The following MNX1 variants were observed in gnomAD, a reference collection of about 807,000 sequenced individuals.
The protein encoded by MNX1 is motor neuron and pancreas homeobox 1.
In MNX1, 2 loss-of-function variants were observed where a neutral mutation model predicts 17.3. The observed-to-expected ratio is 0.12, with a 90% CI of 0.05 to 0.36. The LOEUF is 0.36. Ranked by LOEUF, MNX1 falls within the 10% of genes least tolerant of loss-of-function variation. The pLI is 1.00. For missense variants in MNX1, 556 were observed against 564.7 expected, an observed-to-expected ratio of 0.98 and a Z score of 0.16; for synonymous variants, 306 against 283.1, an observed-to-expected ratio of 1.08 and a Z score of -0.81.
In MNX1 at chr7:157,006,469, G is replaced by A. The variant is rs921342735; in HGVS notation, c.852+10C>T. ...GGCCGGGATGCGTCGGGGGCGGGGA[G>A]GGCGCGCACCTGGGTCTCGGTGAGC... On this transcript the variant is annotated intron_variant, in intron 2 of 2. Transcript: ENST00000252971. The surrounding 1 kb of genome is among the most constrained non-coding windows in gnomAD (Gnocchi z 6.3). 2 of 1,608,082 alleles carry A rather than the reference G, an allele frequency of 1.2e-6. No individual in the cohort carries two copies. The highest frequency in any genetic ancestry group is 1.7e-6 in the Non-Finnish European group (2 of 1,178,510).
At position 157,006,703 on chromosome 7, in the gene MNX1, G is replaced by T; in HGVS notation, c.692-64C>A. ...GGTCCTCGCCCCAGCCCCTCCCGTT[G>T]CTGCTTGTACCACTACACTCAAGGC... On this transcript the variant is annotated intron_variant, in intron 1 of 2. Transcript: ENST00000252971. This position sits in a 1 kb window ranked among gnomAD's most constrained non-coding sequence, Gnocchi z 6.3. The T allele has an allele frequency of 6.7e-7, 1 of 1,498,700 alleles. No individual in the cohort carries two copies. Among genetic ancestry groups the T allele is most frequent in the South Asian group, 1.3e-5 (1 of 79,930 alleles). The allele number at this position is 1,498,700 out of a possible 1,614,324, so 92.8% of individuals were successfully genotyped here.
At position 157,009,680 on chromosome 7, in the gene MNX1, G is replaced by A; in HGVS notation, c.671C>T (p.Pro224Leu). The A allele has an allele frequency of 6.2e-7, 1 of 1,609,228 alleles. No individual in the cohort carries two copies. The highest frequency in any genetic ancestry group is 8.5e-7 in the Non-Finnish European group (1 of 1,179,174). ...CTCACAGTTGAAGTCGGGCATCTTAGGCAGGATCATGCCCGCGGTGGACGC... is the reference window on the plus strand; with the variant it reads ...CTCACAGTTGAAGTCGGGCATCTTAAGCAGGATCATGCCCGCGGTGGACGC... ...LRASTAGMIL[P>L]KMPDFNSQAQ... The change falls in exon 1 of 3, where the codon CCT becomes CTT. Residue 224 changes from proline to leucine, a missense_variant. Physicochemically the swap from Pro to Leu is moderately conservative, Grantham distance 98. Transcript: ENST00000252971.
At position 157,010,117 on chromosome 7, in the gene MNX1, C is replaced by A; in HGVS notation, c.234G>T (p.Pro78=). Residue 78 remains proline (P), a synonymous_variant, in exon 1 of 3, where the codon CCG becomes CCT. Coordinates refer to ENST00000252971, the MANE Select transcript of MNX1 (RefSeq NM_005515.4). The part of the protein sequence containing the change: ...APADRLRAES[P]SPPRLLAAHC... ...GCGCGGCCAGCAGGCGCGGCGGCGACGGGCTCTCGGCGCGCAGGCGGTCGG... is the reference window on the plus strand; with the variant it reads ...GCGCGGCCAGCAGGCGCGGCGGCGAAGGGCTCTCGGCGCGCAGGCGGTCGG... 1 of 996,774 alleles carries A rather than the reference C, an allele frequency of 1.0e-6. No individual in the cohort carries two copies. Among genetic ancestry groups the A allele is most frequent in the Non-Finnish European group, 1.2e-6 (1 of 839,304 alleles). 61.7% of individuals were successfully genotyped at this position (996,774 alleles called of 1,614,324 possible). A position where few individuals can be genotyped will look rare whatever the true frequency, so the allele number is the denominator to read the frequency against.
At position 157,010,386 on chromosome 7, in the gene MNX1, C is replaced by T. The variant is rs1187702527; in HGVS notation, c.-36G>A. On this transcript the variant is annotated 5_prime_UTR_variant, in exon 1 of 3. Transcript: ENST00000252971. ...GGGGCTGGCGCTCAGGGCCCGGTGG[C>T]GGGCGACGCGGCCGTGTGCGGGCTC... is the stretch of plus-strand genomic sequence containing the variant. The T allele has an allele frequency of 2.0e-6, 3 of 1,536,752 alleles. No homozygotes were observed. The highest frequency in any genetic ancestry group is 1.8e-6 in the Non-Finnish European group (2 of 1,134,522).
rs886478874 is a variant in MNX1, at chr7:157,010,637, C to T, written c.-287G>A. The T allele has an allele frequency of 2.5e-5, 6 of 241,018 alleles. No homozygotes were observed. The highest frequency in any genetic ancestry group is 4.0e-5 in the Non-Finnish European group (5 of 123,694). The allele number at this position is 241,018 out of a possible 1,614,324, so 14.9% of individuals were successfully genotyped here. A position where few individuals can be genotyped will look rare whatever the true frequency, so the allele number is the denominator to read the frequency against. On this transcript the variant is annotated 5_prime_UTR_variant, in exon 1 of 3. Coordinates refer to ENST00000252971, the MANE Select transcript of MNX1 (RefSeq NM_005515.4). ...TCTTTGCGCTGCAGCCCTCAGGCGA[C>T]CGCGCGGAGGCCGCTGCCGCCGTGG... is the stretch of plus-strand genomic sequence containing the variant.
At position 157,005,486 on chromosome 7, in the gene MNX1, C is replaced by T; in HGVS notation, c.*34G>A. ...GGGAGAAGCCGCCGGCCGGGGCGCTCCGTGCGCGCCGCACCTGCTGGGCCG... is the reference window on the plus strand; with the variant it reads ...GGGAGAAGCCGCCGGCCGGGGCGCTTCGTGCGCGCCGCACCTGCTGGGCCG... On this transcript the variant is annotated 3_prime_UTR_variant, in exon 3 of 3. Transcript: ENST00000252971. 1 of 1,260,668 alleles carries T rather than the reference C, an allele frequency of 7.9e-7. No individual in the cohort carries two copies. Among genetic ancestry groups the T allele is most frequent in the African/African-American group, 1.6e-5 (1 of 64,182 alleles). The allele number at this position is 1,260,668 out of a possible 1,614,324, so 78.1% of individuals were successfully genotyped here.
Position 157,005,430 on chromosome 7 carries a change from G to C in MNX1, c.*90C>G, listed in dbSNP as rs1318939587. 1.0e-6 allele frequency: 1 copy of C among 962,802 alleles called. No homozygotes were observed. Among genetic ancestry groups the C allele is most frequent in the Non-Finnish European group, 1.3e-6 (1 of 759,488 alleles). The allele number at this position is 962,802 out of a possible 1,614,324, so 59.6% of individuals were successfully genotyped here. The stretch of plus-strand genomic sequence containing the variant: ...GGCGGTCGAGCCTGCTCTCGGGGCC[G>C]GGCCGGGTGGGTGCGGGCGCCGGGG... On this transcript the variant is annotated 3_prime_UTR_variant, in exon 3 of 3. Transcript: ENST00000252971.
At chr7:157,007,666 T>C (rs1805630559) in intron 1 of MNX1, 2 of 152,256 alleles carry the variant, frequency 1.3e-5, no homozygotes, top group Admixed American at 6.5e-5. Context: ...GAGAATTTTA[T>C]GACCTCAAAA....
chr7:157,005,487 C>T lies in MNX1; in HGVS notation c.*33G>A, dbSNP rs936770689. The T allele has an allele frequency of 7.9e-7, 1 of 1,258,740 alleles. No homozygotes were observed. Among genetic ancestry groups the T allele is most frequent in the Non-Finnish European group, 9.9e-7 (1 of 1,005,400 alleles). 78.0% of individuals were successfully genotyped at this position (1,258,740 alleles called of 1,614,324 possible). On this transcript the variant is annotated 3_prime_UTR_variant, in exon 3 of 3. Transcript: ENST00000252971. ...GGAGAAGCCGCCGGCCGGGGCGCTC[C>T]GTGCGCGCCGCACCTGCTGGGCCGC...
At position 157,010,323 on chromosome 7, in the gene MNX1, C is replaced by T; in HGVS notation, c.28G>A (p.Asp10Asn). The change falls in exon 1 of 3, where the codon GAC becomes AAC. Residue 10 changes from aspartate (D) to asparagine (N), a missense_variant. By Grantham distance (23) the Asp-to-Asn change is conservative. Transcript: ENST00000252971. ...GGGGGGTCCACCGCCAGCAGGGCGT[C>T]GATGCGGAAATTTTTGGATTTTTCC... is the stretch of plus-strand genomic sequence containing the variant. MEKSKNFRI[D>N]ALLAVDPPRA... The T allele has an allele frequency of 3.2e-6, 5 of 1,582,746 alleles. No homozygotes were observed. Among genetic ancestry groups the T allele is most frequent in the Non-Finnish European group, 4.3e-6 (5 of 1,165,416 alleles).
chr7:157,005,925 C>A, intron 2 of MNX1, 52 bp from the exon 3 acceptor site: 1 of 1,600,848 alleles, frequency 6.2e-7, no homozygotes, highest in East Asian at 2.2e-5. Context: ...CCAGGGCTTC[C>A]TGTCCCCGGA....
At chr7:157,009,628 ACG>A (rs1805670091) in intron 1 of MNX1, 30 bp downstream of exon 1, 7 of 1,600,098 alleles carry the variant, frequency 4.4e-6, no homozygotes, top group Non-Finnish European at 5.1e-6. Flanking sequence ...CCCTCCCGCC[ACG>A]CGCATCCACG....
chr7:157,009,504 G>A lies in MNX1; in HGVS notation c.691+156C>T, dbSNP rs1305256416. On this transcript the variant is annotated intron_variant, in intron 1 of 2. Transcript: ENST00000252971. ...CTGCCCGTCTCATGCCTGGGGGTCC[G>A]GGCGAGTCCTCGCAGGCCCCGGGCA... 12 of 1,442,590 alleles carry A rather than the reference G, an allele frequency of 8.3e-6. No individual in the cohort carries two copies. In the East Asian group the frequency reaches 2.8e-4, roughly 33 times the overall value. 89.4% of individuals were successfully genotyped at this position (1,442,590 alleles called of 1,614,324 possible). A position where few individuals can be genotyped will look rare whatever the true frequency, so the allele number is the denominator to read the frequency against.
At position 157,010,319 on chromosome 7, in the gene MNX1, G is replaced by A. The variant is rs773471801; in HGVS notation, c.32C>T (p.Ala11Val). The part of the protein sequence containing the change: MEKSKNFRID[A>V]LLAVDPPRAA... ...TCGTGGGGGGTCCACCGCCAGCAGG[G>A]CGTCGATGCGGAAATTTTTGGATTT... Residue 11 changes from alanine (A) to valine (V), a missense_variant, in exon 1 of 3, where the codon GCC becomes GTC. Physicochemically the swap from Ala to Val is moderately conservative, Grantham distance 64 (BLOSUM62 0). This residue lies in a region of MNX1 where 45 missense variants were observed against 42.0 expected (regional missense o/e 1.07). Coordinates refer to ENST00000252971, the MANE Select transcript of MNX1 (RefSeq NM_005515.4). The A allele has an allele frequency of 3.2e-6, 5 of 1,582,638 alleles. No individual in the cohort carries two copies. The highest frequency in any genetic ancestry group is 3.5e-5 in the Admixed American group (2 of 57,478).
intron 1 of MNX1, chr7:157,008,268 G>A (rs1257183972): frequency 6.6e-6 from 1 of 152,296 alleles, no homozygotes; most frequent in Non-Finnish European, 1.5e-5. Context: ...CCTTGGCTCT[G>A]GGAAATGCAG....
intron 1 of MNX1, 70 bp downstream of exon 1, chr7:157,009,586 GGGCA>G: frequency 6.4e-7 from 1 of 1,563,354 alleles, no homozygotes; most frequent in Non-Finnish European, 8.7e-7. Flanking sequence ...GCGCAGAGAG[GGGCA>G]GGCGGTGCCG....
intron 1 of MNX1, chr7:157,008,984 G>A (rs924694736): frequency 1.3e-6 from 2 of 1,536,972 alleles, no homozygotes; most frequent in East Asian, 2.4e-5. Flanking sequence ...CCACCTTGGA[G>A]GGGCATTCGT....
At chr7:157,009,436 G>C (rs1178585012) in intron 1 of MNX1, 6 of 1,429,502 alleles carry the variant, frequency 4.2e-6, no homozygotes, top group Non-Finnish European at 5.5e-6. Context: ...CGTTAAGAGA[G>C]GAAGAGAAGG....
chr7:157,008,405 G>C (rs2134843170), intron 1 of MNX1: 1 of 152,482 alleles, frequency 6.6e-6, no homozygotes, highest in South Asian at 2.1e-4. Flanking sequence ...CCCTCTTCCA[G>C]CCAGTCAGTA....
Sources: allele counts gnomAD v4.1 joint callset, GRCh38; gene constraint gnomAD v4.1.1; regional missense constraint gnomAD v4.1.1; non-coding constraint Gnocchi (gnomAD v3.1); transcripts MANE v1.5; gene names NCBI Gene and HGNC (gene_info 2026-07-23, HGNC 2026-07-21).